Variants in NRIP1 observed in about 807,000 individuals in gnomAD.
The protein encoded by NRIP1 is nuclear receptor interacting protein 1.
In NRIP1, 28 loss-of-function variants were observed where a neutral mutation model predicts 75.0. The observed-to-expected ratio is 0.37, with a 90% CI of 0.28 to 0.51. The LOEUF (loss-of-function observed/expected upper bound fraction) is 0.51. Ranked by LOEUF, NRIP1 falls within the 20% of genes least tolerant of loss-of-function variation. The probability of loss-of-function intolerance (pLI) is 0.92; values close to 1 mark genes in which losing one functional copy is unlikely to be tolerated. For missense variants in NRIP1, 1,435 were observed against 1,343.7 expected (o/e 1.07, Z -1.06); for synonymous variants, 526 against 487.6 (o/e 1.08, Z -1.04).
intron 3 of NRIP1, among the ~76,000 whole-genome samples, chr21:15,003,754 T>A (rs1327017660): frequency 6.6e-6 from 1 of 152,172 alleles, no homozygotes; most frequent in Non-Finnish European, 1.5e-5. Flanking sequence ...TTATCCCCTG[T>A]CAAAAGAAAG....
intron 2 of NRIP1, among the ~76,000 whole-genome samples, chr21:15,035,381 A>G (rs62220726): frequency 9.2e-5 from 14 of 152,198 alleles, no homozygotes; most frequent in Non-Finnish European, 1.9e-4. Flanking sequence ...TGCCTGAGCC[A>G]ATTTAAATAG....
intron 2 of NRIP1, among the ~76,000 whole-genome samples, chr21:15,042,988 T>C (rs1193796574): frequency 1.3e-5 from 2 of 152,210 alleles, no homozygotes; most frequent in Non-Finnish European, 2.9e-5. Context: ...AAAGAGAGAA[T>C]TTCGCAAATG....
intron 3 of NRIP1, among the ~76,000 whole-genome samples, chr21:15,001,344 T>C (rs2087845127): frequency 6.6e-6 from 1 of 152,168 alleles, no homozygotes; most frequent in Admixed American, 6.5e-5. Context: ...CAAGAGGAAT[T>C]TCTTTTCTCC....
At chr21:14,971,406 C>T (rs940105699) in intron 3 of NRIP1, 6 of 152,128 alleles carry the variant, frequency 3.9e-5, no homozygotes, top group African/African-American at 1.2e-4. Flanking sequence ...GAAGGAATCA[C>T]GAGGAGAAGG....
chr21:15,037,995 A>G (rs1233081119), intron 2 of NRIP1, among the ~76,000 whole-genome samples: 1 of 152,132 alleles, frequency 6.6e-6, no homozygotes, highest in Non-Finnish European at 1.5e-5. Flanking sequence ...GGCAGTGGAA[A>G]GACAAAGAAA....
intron 3 of NRIP1, among the ~76,000 whole-genome samples, chr21:15,008,851 T>A (rs1308253727): frequency 6.6e-6 from 1 of 152,184 alleles, no homozygotes; most frequent in Admixed American, 6.5e-5. Context: ...TGGCTTTTGG[T>A]ATCATTCCTT....
At chr21:14,971,817 G>A (rs2086908966) in intron 3 of NRIP1, among the ~76,000 whole-genome samples, 1 of 152,140 alleles carries the variant, frequency 6.6e-6, no homozygotes, top group African/African-American at 2.4e-5. Flanking sequence ...TATGCACTAA[G>A]CTTTCACACT....
intron 2 of NRIP1, among the ~76,000 whole-genome samples, chr21:15,024,159 T>G (rs184522061): frequency 2.0e-5 from 3 of 152,354 alleles, no homozygotes; most frequent in Non-Finnish European, 4.4e-5. Flanking sequence ...GCGTTAAGAT[T>G]AATAAATTCA....
At chr21:15,014,609 T>C (rs2088182022) in intron 2 of NRIP1, 143 bp from the exon 3 acceptor site, 1 of 395,288 alleles carries the variant, frequency 2.5e-6, no homozygotes, top group African/African-American at 2.1e-5. Flanking sequence ...ATATCAATTG[T>C]TTATGAATGC....
chr21:14,988,499 ATGTGTGTG>A (rs368052539), intron 3 of NRIP1, among the ~76,000 whole-genome samples: 1 of 131,322 alleles, frequency 7.6e-6, no homozygotes, highest in Non-Finnish European at 1.7e-5. Flanking sequence ...GTATATATAT[ATGTGTGTG>A]TGTGTGTGTG....
chr21:15,064,937 C>A lies in NRIP1; in HGVS notation c.-730G>T. The A allele has an allele frequency of 6.7e-6, 1 of 150,156 alleles. No homozygotes were observed. Among genetic ancestry groups the A allele is most frequent in the Non-Finnish European group, 1.5e-5 (1 of 67,330 alleles). 9.3% of individuals were successfully genotyped at this position (150,156 alleles called of 1,614,324 possible). A position where few individuals can be genotyped will look rare whatever the true frequency, so the allele number is the denominator to read the frequency against. ...CGGGCGGGCGTGGGGCCGGGTCGTCCCTGCGCCTCGCCGCCGCCTCCTCCG... is the reference window on the plus strand; with the variant it reads ...CGGGCGGGCGTGGGGCCGGGTCGTCACTGCGCCTCGCCGCCGCCTCCTCCG... On this transcript the variant is annotated 5_prime_UTR_variant, in exon 1 of 4. Transcript: ENST00000318948.
In NRIP1 at chr21:14,965,150, G is replaced by A; in HGVS notation, c.3043C>T (p.Pro1015Ser). Residue 1015 changes from proline to serine, a missense_variant, in exon 4 of 4, where the codon CCT (proline) becomes TCT (serine). Physicochemically the swap from Pro to Ser is moderately conservative, Grantham distance 74. Coordinates refer to ENST00000318948, the MANE Select transcript of NRIP1 (RefSeq NM_003489.4). ...GACCCTGCACAGCCCAAGTGCTCAG[G>A]GAAAGTAGGACTCACAGGAGTTTTT... ...VVKTPVSPTF[P>S]EHLGCAGSRP... 1.2e-6 allele frequency: 2 copies of A among 1,612,968 alleles called. No homozygotes were observed. The highest frequency in any genetic ancestry group is 1.7e-6 in the Non-Finnish European group (2 of 1,179,904).
At position 15,045,637 on chromosome 21, in the gene NRIP1, T is replaced by C. The variant is rs541959698; in HGVS notation, c.-537-2063A>G. Among the ~76,000 whole-genome samples, 413 of 152,316 alleles carry C rather than the reference T, an allele frequency of 2.7e-3. 2 individuals carry two copies. The highest frequency in any genetic ancestry group is 9.4e-3 in the African/African-American group (392 of 41,564). Reference sequence around the variant, plus strand: ...TTCTTAAAACAAGACAACAATGAAGTTTGCCACATCGGCTGATTCTTCCTT... The same window carrying C: ...TTCTTAAAACAAGACAACAATGAAGCTTGCCACATCGGCTGATTCTTCCTT... On this transcript the variant is annotated intron_variant, in intron 1 of 3. Coordinates refer to ENST00000318948, the MANE Select transcript of NRIP1 (RefSeq NM_003489.4).
chr21:15,021,505 T>C (rs905422584), intron 2 of NRIP1, among the ~76,000 whole-genome samples: 3 of 152,302 alleles, frequency 2.0e-5, no homozygotes, highest in Non-Finnish European at 1.5e-5. Flanking sequence ...TCTGAGTGCA[T>C]TGACTCAAAA....
chr21:15,050,397 A>C (rs1374546893), intron 1 of NRIP1: 1 of 251,096 alleles, frequency 4.0e-6, no homozygotes, highest in African/African-American at 2.3e-5. Flanking sequence ...TACTAAGTTC[A>C]CTGATTATGA....
rs17853994 is a variant in NRIP1, at chr21:14,965,332, C to G, written c.2861G>C (p.Ser954Thr). 1.2e-6 allele frequency: 2 copies of G among 1,613,868 alleles called. No individual in the cohort carries two copies. The highest frequency in any genetic ancestry group is 1.3e-5 in the African/African-American group (1 of 74,906). Residue 954 changes from serine to threonine, a missense_variant, in exon 4 of 4, where the codon AGT becomes ACT. Physicochemically the swap from Ser to Thr is moderately conservative, Grantham distance 58. Coordinates refer to ENST00000318948, the MANE Select transcript of NRIP1 (RefSeq NM_003489.4). ...NCVRDLSPHR[S>T]NSVADSKKKG... ...CTTTTTACTGTCAGCCACAGAGTTA[C>G]TTCTGTGCGGGGACAAATCTCGCAC...
At chr21:14,989,589 C>T (rs1400379314) in intron 3 of NRIP1, among the ~76,000 whole-genome samples, 1 of 152,178 alleles carries the variant, frequency 6.6e-6, no homozygotes, top group Non-Finnish European at 1.5e-5. Flanking sequence ...TCTGGCTGAA[C>T]ATGTCCTTTC....
upstream of NRIP1, among the ~76,000 whole-genome samples, chr21:15,065,310 G>A (rs927684354): frequency 7.2e-5 from 11 of 151,912 alleles, no homozygotes; most frequent in African/African-American, 2.4e-4. Flanking sequence ...GCGTCCCCGA[G>A]AGAGGGGCTG....
chr21:14,997,822 G>A (rs1226581613), intron 3 of NRIP1, among the ~76,000 whole-genome samples: 1 of 151,572 alleles, frequency 6.6e-6, no homozygotes, highest in East Asian at 1.9e-4. Context: ...AACCTAAAGA[G>A]GAAGACACTA....
Sources: gnomAD v4.1 joint callset for allele counts (sites outside exome capture counted in the v4.1 genomes callset) on GRCh38, gnomAD v4.1.1 for gene constraint, MANE v1.5 for transcripts, NCBI Gene and HGNC (gene_info 2026-07-23, HGNC 2026-07-21) for gene names.